The following CIRSR variants were observed in gnomAD, a reference collection of about 807,000 sequenced individuals.
The protein encoded by CIRSR is corepressor of RBPJ and splicing regulator.
At chr2:174,385,465 T>C in the CIRSR span, among the ~76,000 whole-genome samples, 364 of 152,130 alleles carry the variant, frequency 2.4e-3, 1 homozygote, top group Middle Eastern at 6.8e-3. Context: ...AGTAATAATA[T>C]CTTAGTAGCA....
At chr2:174,370,883 C>T in the CIRSR span, among the ~76,000 whole-genome samples, 1,941 of 149,628 alleles carry the variant, frequency 0.013, 18 homozygotes, top group Non-Finnish European at 0.02. Flanking sequence ...TGCAATCCAT[C>T]CTGGGTGACA....
At chr2:174,387,589 T>C in the CIRSR span, 1 of 1,341,398 alleles carries the variant, frequency 7.5e-7, no homozygotes, top group Non-Finnish European at 1.0e-6. Context: ...AATTGGGTAT[T>C]TGATTCCAAA....
At chr2:174,377,661 A>G in the CIRSR span, among the ~76,000 whole-genome samples, 1 of 151,778 alleles carries the variant, frequency 6.6e-6, no homozygotes, top group Non-Finnish European at 1.5e-5. Context: ...CTATTAAAAA[A>G]TACAAAAACT....
chr2:174,367,183 C>T, the CIRSR span, among the ~76,000 whole-genome samples: 1 of 152,202 alleles, frequency 6.6e-6, no homozygotes, highest in Non-Finnish European at 1.5e-5. Flanking sequence ...TGGTGGCTCA[C>T]ACCTGTAATC....
the CIRSR span, chr2:174,378,829 C>T: frequency 1.1e-6 from 1 of 950,504 alleles, no homozygotes; most frequent in Non-Finnish European, 1.7e-6. Context: ...ACACACAAAC[C>T]CAAATAAAAC....
the CIRSR span, among the ~76,000 whole-genome samples, chr2:174,394,957 G>A: frequency 1.3e-5 from 2 of 152,160 alleles, no homozygotes; most frequent in African/African-American, 4.8e-5. Flanking sequence ...TTTGTGCAAG[G>A]TCTTAAGGCT....
the CIRSR span, among the ~76,000 whole-genome samples, chr2:174,384,091 G>A: frequency 6.6e-6 from 1 of 152,114 alleles, no homozygotes; most frequent in Non-Finnish European, 1.5e-5. Flanking sequence ...GTTTATAGCA[G>A]CATTATTCAC....
At chr2:174,355,461 T>C in the CIRSR span, among the ~76,000 whole-genome samples, 1 of 152,216 alleles carries the variant, frequency 6.6e-6, no homozygotes, top group East Asian at 1.9e-4. Context: ...AAAACCAATG[T>C]TCCCACTTAG....
chr2:174,355,647 T>C, the CIRSR span, among the ~76,000 whole-genome samples: 2 of 152,178 alleles, frequency 1.3e-5, no homozygotes, highest in Non-Finnish European at 2.9e-5. Context: ...AAAAAATTCC[T>C]AGAAGGTAAA....
chr2:174,395,690 A>T, the CIRSR span: 1 of 1,613,110 alleles, frequency 6.2e-7, no homozygotes, highest in Non-Finnish European at 8.5e-7. Flanking sequence ...CAGCCGCCTA[A>T]CCGGAACTGC....
the CIRSR span, chr2:174,381,774 C>T: frequency 6.3e-7 from 1 of 1,575,854 alleles, no homozygotes; most frequent in Non-Finnish European, 8.6e-7. Flanking sequence ...CTCCCATAAG[C>T]AATCTAAGTG....
chr2:174,349,352 G>A, the CIRSR span, among the ~76,000 whole-genome samples: 5 of 151,916 alleles, frequency 3.3e-5, no homozygotes, highest in Non-Finnish European at 7.4e-5. Context: ...GGATCACAAG[G>A]TCAGGAGTTC....
At chr2:174,377,769 G>A in the CIRSR span, among the ~76,000 whole-genome samples, 1 of 138,072 alleles carries the variant, frequency 7.2e-6, no homozygotes, top group Non-Finnish European at 1.5e-5. Context: ...AGGTTGCAGT[G>A]AGCCGAGATT....
At chr2:174,367,811 C>T in the CIRSR span, among the ~76,000 whole-genome samples, 1 of 134,642 alleles carries the variant, frequency 7.4e-6, no homozygotes, top group African/African-American at 2.7e-5. Flanking sequence ...AACTACCCAA[C>T]TATATGTTAT....
the CIRSR span, among the ~76,000 whole-genome samples, chr2:174,353,362 A>G: frequency 6.6e-6 from 1 of 152,110 alleles, no homozygotes; most frequent in Non-Finnish European, 1.5e-5. Flanking sequence ...TTAATTATTC[A>G]GTCTGGTTGT....
the CIRSR span, among the ~76,000 whole-genome samples, chr2:174,350,473 A>G: frequency 3.9e-5 from 6 of 152,312 alleles, no homozygotes; most frequent in South Asian, 1.2e-3. Flanking sequence ...TGAGTATACA[A>G]TCTTACACTC....
the CIRSR span, among the ~76,000 whole-genome samples, chr2:174,393,079 T>TA: frequency 7.9e-5 from 12 of 152,206 alleles, no homozygotes; most frequent in African/African-American, 2.4e-4. Flanking sequence ...AACAGTCTAA[T>TA]AAGAGAGCTG....
At chr2:174,349,450 A>T in the CIRSR span, among the ~76,000 whole-genome samples, 2 of 151,578 alleles carry the variant, frequency 1.3e-5, no homozygotes, top group Non-Finnish European at 2.9e-5. Context: ...CTGTAATCCC[A>T]GCTACTCAGG....
the CIRSR span, among the ~76,000 whole-genome samples, chr2:174,372,470 G>C: frequency 6.6e-6 from 1 of 152,224 alleles, no homozygotes; most frequent in African/African-American, 2.4e-5. Context: ...TTTCTTATTT[G>C]ACCAAAGGTT....
Sources: gnomAD v4.1 joint callset for allele counts (sites outside exome capture counted in the v4.1 genomes callset) on GRCh38, gnomAD v4.1.1 for gene constraint, MANE v1.5 for transcripts, NCBI Gene and HGNC (gene_info 2026-07-23, HGNC 2026-07-21) for gene names.